Variants in NDE1 observed in about 807,000 individuals in gnomAD.
NDE1 encodes the protein nudE neurodevelopment protein 1.
A neutral mutation model predicts 43.4 loss-of-function variants in NDE1; 28 were observed. The observed-to-expected ratio is 0.65, with a 90% CI of 0.48 to 0.89. The LOEUF is 0.89. Among genes scored for constraint, NDE1 ranks in the 40% least tolerant of loss-of-function variants. NDE1 has a pLI of 0.00. For missense variants in NDE1, 441 were observed against 434.1 expected, an observed-to-expected ratio of 1.02 and a Z score of -0.14; for synonymous variants, 184 against 172.0, an observed-to-expected ratio of 1.07 and a Z score of -0.55.
chr16:15,652,194 G>A (rs893596330), intron 1 of NDE1: 4 of 152,042 alleles, frequency 2.6e-5, no homozygotes, highest in Non-Finnish European at 5.9e-5. Flanking sequence ...CACTGCACCC[G>A]ACTCTATCAT....
intron 8 of NDE1, chr16:15,720,367 G>A (rs1233174579): frequency 1.8e-5 from 29 of 1,573,452 alleles, no homozygotes; most frequent in Non-Finnish European, 2.4e-5. Flanking sequence ...AGGTCCTTTG[G>A]CTCACCTAGG....
intron 7 of NDE1, among the ~76,000 whole-genome samples, chr16:15,695,202 CCTTT>C (rs2038952745): frequency 7.8e-6 from 1 of 127,418 alleles, no homozygotes; most frequent in Non-Finnish European, 1.6e-5. Flanking sequence ...AAAACTGCCA[CCTTT>C]TTTTTTTTTT....
intron 4 of NDE1, 193 bp from the exon 5 acceptor site, chr16:15,687,182 T>A: frequency 6.6e-7 from 1 of 1,504,458 alleles, no homozygotes; most frequent in East Asian, 2.5e-5. Context: ...TGAGCTATGA[T>A]GAGTCCCATT....
intron 3 of NDE1, among the ~76,000 whole-genome samples, chr16:15,667,671 G>T (rs2037386280): frequency 8.9e-6 from 1 of 111,906 alleles, no homozygotes; most frequent in South Asian, 3.2e-4. Flanking sequence ...CACTCTTGTT[G>T]CCCAGGCTGG....
At chr16:15,714,759 G>A (rs1026936781) in intron 8 of NDE1, 11 of 1,029,072 alleles carry the variant, frequency 1.1e-5, no homozygotes, top group Non-Finnish European at 1.2e-5. Context: ...CCCACACTAA[G>A]CTTAGTGATT....
chr16:15,692,321 G>A (rs1359865667), intron 6 of NDE1, among the ~76,000 whole-genome samples: 2 of 152,154 alleles, frequency 1.3e-5, no homozygotes, highest in South Asian at 2.1e-4. Flanking sequence ...AGGCTCCAGG[G>A]CTTACCCTAC....
chr16:15,700,179 C>T, intron 8 of NDE1: 1 of 907,260 alleles, frequency 1.1e-6, no homozygotes. Context: ...TCACTGCAAC[C>T]TCCGCCTCCT....
At position 15,726,137 on chromosome 16, in the gene NDE1, T is replaced by C. The variant is rs2151222916; in HGVS notation, c.*1886T>C. 2 of 160,444 alleles carry C rather than the reference T, an allele frequency of 1.2e-5. No homozygotes were observed. Among genetic ancestry groups the C allele is most frequent in the East Asian group, 3.6e-4 (2 of 5,568 alleles). 9.9% of individuals were successfully genotyped at this position (160,444 alleles called of 1,614,324 possible). Reference sequence around the variant, plus strand: ...TCCCCCAGGTTAGGCCCCCTGGTTATTTACACTTGGGCATCATGTGCCTTC... The same window carrying C: ...TCCCCCAGGTTAGGCCCCCTGGTTACTTACACTTGGGCATCATGTGCCTTC... On this transcript the variant is annotated 3_prime_UTR_variant, in exon 9 of 9. Transcript: ENST00000396354.
chr16:15,672,076 A>G (rs1457336375), intron 3 of NDE1, among the ~76,000 whole-genome samples: 2 of 152,090 alleles, frequency 1.3e-5, no homozygotes, highest in African/African-American at 2.4e-5. Context: ...TGGAGAGGAT[A>G]ACAGGCCCTC....
rs534968360 is a variant in NDE1 at position 15,720,751 on chromosome 16, C to T, written c.948-3440C>T. The T allele has an allele frequency of 2.8e-3, 3,936 of 1,414,528 alleles. 14 individuals are homozygous for T. The highest frequency in any genetic ancestry group is 2.6e-3 in the Non-Finnish European group (2,613 of 1,009,990). 87.6% of individuals were successfully genotyped at this position (1,414,528 alleles called of 1,614,324 possible). A position where few individuals can be genotyped will look rare whatever the true frequency, so the allele number is the denominator to read the frequency against. ...CTGTTTCAAAAAAAAATAAAGAAAA[C>T]GAAGTTTCCACACCAACCATGAGAG... On this transcript the variant is annotated intron_variant, in intron 8 of 8. Transcript: ENST00000396354.
intron 8 of NDE1, chr16:15,719,075 C>A (rs2040325181): frequency 2.5e-6 from 2 of 787,746 alleles, no homozygotes; most frequent in East Asian, 5.4e-5. Context: ...TTGCAGTGAG[C>A]CAAGATTGTG....
chr16:15,713,996 T>C (rs778090337), intron 8 of NDE1: 2 of 152,124 alleles, frequency 1.3e-5, no homozygotes, highest in Non-Finnish European at 2.9e-5. Context: ...GAGGGTCAAA[T>C]TGTGAGGGCT....
Position 15,718,451 on chromosome 16 carries a change from C to G in NDE1, c.948-5740C>G. On this transcript the variant is annotated intron_variant, in intron 8 of 8. Coordinates refer to ENST00000396354, the MANE Select transcript of NDE1 (RefSeq NM_017668.3). ...CTGGAGTGCGTTCCTGGGGGAAGGG[C>G]GGCCATGGTGGGGGCCTCTACCCTC... 2 of 1,549,502 alleles carry G rather than the reference C, an allele frequency of 1.3e-6. No homozygotes were observed. Among genetic ancestry groups the G allele is most frequent in the Middle Eastern group, 2.0e-4 (1 of 5,048 alleles).
At chr16:15,666,950 T>C (rs769437779) in intron 2 of NDE1, among the ~76,000 whole-genome samples, 77 of 152,120 alleles carry the variant, frequency 5.1e-4, no homozygotes, top group Non-Finnish European at 1.6e-4. Flanking sequence ...ATTTTTAAAA[T>C]ATTCCTTGAA....
chr16:15,717,074 TTCACTATGAC>T, intron 8 of NDE1: 1 of 1,549,022 alleles, frequency 6.5e-7, no homozygotes, highest in Non-Finnish European at 8.9e-7. Flanking sequence ...GTTCCCTGAC[TTCACTATGAC>T]TCCTGCTGTC....
intron 4 of NDE1, among the ~76,000 whole-genome samples, chr16:15,682,400 T>C (rs996003540): frequency 1.1e-4 from 17 of 152,366 alleles, no homozygotes; most frequent in African/African-American, 4.1e-4. Flanking sequence ...GTTACAATTT[T>C]GTGCAAGTTT....
chr16:15,695,511 A>T (rs1173287564), intron 7 of NDE1: 2 of 985,006 alleles, frequency 2.0e-6, no homozygotes, highest in African/African-American at 3.5e-5. Context: ...AAAAAAAAAA[A>T]AAAATCTTGA....
intron 3 of NDE1, among the ~76,000 whole-genome samples, chr16:15,670,699 T>C (rs2037550697): frequency 6.7e-6 from 1 of 148,548 alleles, no homozygotes; most frequent in South Asian, 2.1e-4. Flanking sequence ...ACTGCATGGG[T>C]TGAGGGAGGC....
At chr16:15,662,767 C>T (rs1476595062) in intron 1 of NDE1, among the ~76,000 whole-genome samples, 4 of 152,064 alleles carry the variant, frequency 2.6e-5, no homozygotes, top group East Asian at 1.9e-4. Context: ...TTAGTAGAGA[C>T]GGAGTTTCTC....
Sources: allele counts gnomAD v4.1 joint callset (sites outside exome capture counted in the v4.1 genomes callset), GRCh38; gene constraint gnomAD v4.1.1; transcripts MANE v1.5; gene names NCBI Gene and HGNC (gene_info 2026-07-23, HGNC 2026-07-21).